Variants in HS6ST2 observed in about 807,000 individuals in gnomAD.
HS6ST2 encodes heparan sulfate 6-O-sulfotransferase 2, also known as heparan-sulfate 6-O-sulfotransferase 2.
Under a neutral mutation model 33.0 loss-of-function variants are expected in HS6ST2, and 17 were observed. The ratio of observed to expected loss-of-function variants is 0.52; its 90% CI spans 0.35 to 0.77. The LOEUF is 0.77. Ranked by LOEUF, HS6ST2 falls within the 30% of genes least tolerant of loss-of-function variation. The pLI, the probability that HS6ST2 is intolerant of heterozygous loss-of-function variation, is 0.01. For synonymous variants in HS6ST2, 248 were observed against 237.1 expected (o/e 1.05, Z -0.42); for missense variants, 519 against 551.7 (o/e 0.94, Z 0.59).
chrX:132,760,498 C>G (rs1276731064), intron 2 of HS6ST2, among the ~76,000 whole-genome samples: 2 of 111,821 alleles, frequency 1.8e-5, no homozygotes, highest in South Asian at 7.5e-4. Flanking sequence ...TTTCCTGAGG[C>G]CTCTTCAGCC....
At chrX:132,861,504 T>C (rs1435707301) in intron 2 of HS6ST2, among the ~76,000 whole-genome samples, 1 of 112,741 alleles carries the variant, frequency 8.9e-6, no homozygotes, top group Non-Finnish European at 1.9e-5. Flanking sequence ...TCAAATTTGC[T>C]TCCTAAATCA....
chrX:132,950,536 G>A (rs1225687032), intron 2 of HS6ST2, among the ~76,000 whole-genome samples: 5 of 111,878 alleles, frequency 4.5e-5, no homozygotes, highest in Non-Finnish European at 7.5e-5. Flanking sequence ...GTTGGGTTTT[G>A]CTTTGTTTGT....
At chrX:132,874,208 C>G (rs763285460) in intron 2 of HS6ST2, among the ~76,000 whole-genome samples, 171 of 112,117 alleles carry the variant, frequency 1.5e-3, no homozygotes, top group Non-Finnish European at 2.4e-3. Context: ...AAGAATTTGG[C>G]CTAGAGCTGC....
At chrX:132,914,530 T>G (rs1183021873) in intron 2 of HS6ST2, among the ~76,000 whole-genome samples, 1 of 112,620 alleles carries the variant, frequency 8.9e-6, no homozygotes. Flanking sequence ...AATTGTGTGT[T>G]TAGTTATTTT....
intron 2 of HS6ST2, among the ~76,000 whole-genome samples, chrX:132,798,539 CA>C (rs1243812575): frequency 1.8e-5 from 2 of 111,616 alleles, no homozygotes; most frequent in Non-Finnish European, 3.8e-5. Context: ...TGATGTATTC[CA>C]GTATTGTCCT....
chrX:132,896,363 C>T (rs1382083653), intron 2 of HS6ST2, among the ~76,000 whole-genome samples: 2 of 108,088 alleles, frequency 1.9e-5, no homozygotes, highest in African/African-American at 3.4e-5. Context: ...CCCAGCTACT[C>T]GGGAGGCTGA....
intron 2 of HS6ST2, among the ~76,000 whole-genome samples, chrX:132,890,996 A>C (rs1181454432): frequency 8.9e-6 from 1 of 111,843 alleles, no homozygotes; most frequent in Non-Finnish European, 1.9e-5. Flanking sequence ...TGCATATATT[A>C]CTATGTATTC....
At chrX:132,835,787 G>A (rs1377827083) in intron 2 of HS6ST2, among the ~76,000 whole-genome samples, 2 of 111,609 alleles carry the variant, frequency 1.8e-5, no homozygotes, top group African/African-American at 3.3e-5. Flanking sequence ...AAGGTGGCAG[G>A]CGCCTGTAAT....
intron 2 of HS6ST2, among the ~76,000 whole-genome samples, chrX:132,854,733 G>A (rs1245833300): frequency 8.9e-6 from 1 of 112,170 alleles, no homozygotes; most frequent in Non-Finnish European, 1.9e-5. Flanking sequence ...GATCTTTTAA[G>A]TGCTCATTGT....
intron 2 of HS6ST2, among the ~76,000 whole-genome samples, chrX:132,815,118 C>G (rs1178237175): frequency 4.5e-5 from 5 of 111,817 alleles, no homozygotes; most frequent in African/African-American, 1.6e-4. Flanking sequence ...TTATACCTAG[C>G]CCCTAACACT....
chrX:132,740,183 T>C (rs1460299740), intron 2 of HS6ST2, among the ~76,000 whole-genome samples: 1 of 112,711 alleles, frequency 8.9e-6, no homozygotes, highest in African/African-American at 3.2e-5. Context: ...TTAACATTTC[T>C]CAGCCAATTT....
chrX:132,661,673 C>T (rs1304562836), intron 4 of HS6ST2, among the ~76,000 whole-genome samples: 1 of 111,923 alleles, frequency 8.9e-6, no homozygotes, highest in Non-Finnish European at 1.9e-5. Context: ...CTTCTTTTTT[C>T]TTTTTGCAAA....
chrX:132,703,843 A>T (rs1239455146), intron 3 of HS6ST2, among the ~76,000 whole-genome samples: 3 of 112,106 alleles, frequency 2.7e-5, no homozygotes, highest in Non-Finnish European at 5.6e-5. Context: ...GGTCATTAAG[A>T]TTGTCAGCAA....
At chrX:132,660,191 C>T (rs181704026) in intron 4 of HS6ST2, among the ~76,000 whole-genome samples, 24 of 111,903 alleles carry the variant, frequency 2.1e-4, no homozygotes, top group Admixed American at 1.8e-3. Flanking sequence ...TTGTTCTCTG[C>T]TGTATCCCCA....
In HS6ST2 at chrX:132,956,825, G is replaced by A. The variant is rs1399994854; in HGVS notation, c.930C>T (p.Ala310=). 5 of 1,173,039 alleles carry A rather than the reference G, an allele frequency of 4.3e-6. No individual in the cohort carries two copies. The highest frequency in any genetic ancestry group is 6.4e-5 in the East Asian group (2 of 31,299). The stretch of plus-strand genomic sequence containing the variant: ...GCACTCACCTGGACGGTCTCAGCCT[G>A]GCGTCGCGCTTGCCGTCCACCACGG... ...VPSVVDGKRD[A]RLRPSRWRIF... The change falls in exon 2 of 5, where the codon GCC becomes GCT. Residue 310 remains alanine (A), a synonymous_variant. Coordinates refer to ENST00000370833, the MANE Select transcript of HS6ST2 (RefSeq NM_001394073.1).
chrX:132,844,341 A>G (rs902219812), intron 2 of HS6ST2, among the ~76,000 whole-genome samples: 2 of 112,023 alleles, frequency 1.8e-5, no homozygotes, highest in Non-Finnish European at 3.8e-5. Flanking sequence ...TGTCTCTTCC[A>G]TCCTGGATAG....
At chrX:132,825,931 T>G (rs1313280089) in intron 2 of HS6ST2, among the ~76,000 whole-genome samples, 1 of 112,138 alleles carries the variant, frequency 8.9e-6, no homozygotes, top group Non-Finnish European at 1.9e-5. Flanking sequence ...GAACTGCTTG[T>G]TCTCCTCTTT....
At chrX:132,726,774 AT>A (rs2064395855) in intron 2 of HS6ST2, among the ~76,000 whole-genome samples, 1 of 111,899 alleles carries the variant, frequency 8.9e-6, no homozygotes, top group African/African-American at 3.2e-5. Flanking sequence ...GACCTTTTGT[AT>A]CTGGCTTTTT....
chrX:132,947,168 A>T (rs189307791), intron 2 of HS6ST2, among the ~76,000 whole-genome samples: 146 of 110,091 alleles, frequency 1.3e-3, no homozygotes, highest in African/African-American at 4.7e-3. Flanking sequence ...TTTCATATGC[A>T]CTTGTGTGTG....
Sources: allele counts gnomAD v4.1 joint callset (sites outside exome capture counted in the v4.1 genomes callset), GRCh38; gene constraint gnomAD v4.1.1; transcripts MANE v1.5; gene names NCBI Gene and HGNC (gene_info 2026-07-23, HGNC 2026-07-21).